CSMD2: variants seen among roughly 807,000 people sequenced by gnomAD.
CSMD2 encodes CUB and sushi domain-containing protein 2.
A neutral mutation model predicts 398.5 loss-of-function variants in CSMD2; 130 were observed. The ratio of observed to expected loss-of-function variants is 0.33; its 90% CI spans 0.28 to 0.38. The LOEUF (loss-of-function observed/expected upper bound fraction) is 0.38, where lower values mean the gene tolerates loss of function less well. Ranked by LOEUF, CSMD2 falls within the 10% of genes least tolerant of loss-of-function variation. The pLI is 1.00. For synonymous variants in CSMD2, 1,828 were observed against 1,908.5 expected (o/e 0.96, Z 1.10); for missense variants, 3,829 against 4,764.9 (o/e 0.80, Z 5.78).
chr1:33,726,964 T>A (rs889822660), intron 15 of CSMD2, among the ~76,000 whole-genome samples: 4 of 152,170 alleles, frequency 2.6e-5, no homozygotes, highest in African/African-American at 9.7e-5. Flanking sequence ...AACTAATATT[T>A]GGGCCACATG....
At chr1:33,828,162 T>C (rs2125023179) in intron 6 of CSMD2, among the ~76,000 whole-genome samples, 1 of 152,338 alleles carries the variant, frequency 6.6e-6, no homozygotes, top group African/African-American at 2.4e-5. Flanking sequence ...TTTTTATAAA[T>C]GTGCATTACT....
rs762292236 is a variant in CSMD2, at chr1:33,846,872, G to T, written c.1033+12C>A. 4 of 1,574,984 alleles carry T rather than the reference G, an allele frequency of 2.5e-6. No individual in the cohort carries two copies. Among genetic ancestry groups the T allele is most frequent in the African/African-American group, 1.4e-5 (1 of 73,302 alleles). On this transcript the variant is annotated intron_variant, in intron 6 of 70. Coordinates refer to ENST00000373381, the MANE Select transcript of CSMD2 (RefSeq NM_001281956.2). ...CCACTGAGGAAGCCAGACAGTCCTG[G>T]GACCTGCCTACCTTGGTATTGGGCA... is the stretch of plus-strand genomic sequence containing the variant.
At chr1:33,694,925 C>A (rs1422001198) in intron 24 of CSMD2, among the ~76,000 whole-genome samples, 1 of 152,130 alleles carries the variant, frequency 6.6e-6, no homozygotes, top group African/African-American at 2.4e-5. Context: ...AGGATACTGC[C>A]CTCCCCTGGA....
chr1:33,828,487 AAG>A (rs1659074854), intron 6 of CSMD2, among the ~76,000 whole-genome samples: 1 of 152,178 alleles, frequency 6.6e-6, no homozygotes, highest in African/African-American at 2.4e-5. Flanking sequence ...GAGGTGAAGA[AAG>A]AGTCTTCATC....
chr1:33,940,826 T>C (rs2125340183), intron 3 of CSMD2, among the ~76,000 whole-genome samples: 1 of 152,358 alleles, frequency 6.6e-6, no homozygotes, highest in Non-Finnish European at 1.5e-5. Context: ...GTCTGATTTT[T>C]TTCCCAGTCT....
intron 48 of CSMD2, among the ~76,000 whole-genome samples, chr1:33,577,937 T>C (rs1319912796): frequency 1.3e-5 from 2 of 152,154 alleles, no homozygotes; most frequent in African/African-American, 4.8e-5. Flanking sequence ...TTGGGGCAAA[T>C]CACTTCAGCT....
intron 60 of CSMD2, among the ~76,000 whole-genome samples, chr1:33,538,476 G>A (rs748006176): frequency 1.1e-4 from 17 of 151,156 alleles, no homozygotes; most frequent in African/African-American, 3.4e-4. Context: ...GTGCGTGTGC[G>A]TGTGTGTGTG....
chr1:34,149,361 G>A (rs191341784), intron 1 of CSMD2, among the ~76,000 whole-genome samples: 12 of 152,174 alleles, frequency 7.9e-5, no homozygotes, highest in East Asian at 7.7e-4. Flanking sequence ...CTCATCTCCC[G>A]GCTGGCTGGC....
chr1:33,881,143 G>A (rs532938777), intron 5 of CSMD2, among the ~76,000 whole-genome samples: 1 of 152,232 alleles, frequency 6.6e-6, no homozygotes, highest in South Asian at 2.1e-4. Context: ...ATACAAGCTG[G>A]GAACTCATTC....
intron 5 of CSMD2, among the ~76,000 whole-genome samples, chr1:33,877,304 C>T (rs976251552): frequency 6.6e-6 from 1 of 152,164 alleles, no homozygotes; most frequent in Non-Finnish European, 1.5e-5. Flanking sequence ...GTCAGGATTC[C>T]TGGGCCCAAT....
rs780446219 is a variant in CSMD2, at chr1:33,819,825, G to A, written c.1212C>T (p.Ser404=). Residue 404 remains serine (S), a synonymous_variant, in exon 9 of 71, where the codon AGC becomes AGT. Transcript: ENST00000373381. ...RLGSDFRLGS[S]VQFTCNEGYD... ...AGCCCTCGTTGCAGGTGAACTGGAC[G>A]CTGGATCCTAACCTGGGAGACAAAG... 2.5e-6 allele frequency: 4 copies of A among 1,614,076 alleles called. No individual in the cohort carries two copies. The highest frequency in any genetic ancestry group is 3.3e-5 in the Admixed American group (2 of 60,004).
rs146802273 is a variant in CSMD2, at chr1:34,133,526, G to C, written c.187+31385C>G. Among the ~76,000 whole-genome samples, 5 of 152,110 alleles carry C rather than the reference G, an allele frequency of 3.3e-5. No homozygotes were observed. In the East Asian group the frequency reaches 9.7e-4, roughly 29 times the overall value. ...GGTGCCAGTAATTCCTGCTACTCTG[G>C]AGTCTGAGGCAGGAGAATCATTTGA... On this transcript the variant is annotated intron_variant, in intron 1 of 70. Coordinates refer to ENST00000373381, the MANE Select transcript of CSMD2 (RefSeq NM_001281956.2).
At chr1:33,897,121 AACTGAGGC>A (rs796820878) in intron 5 of CSMD2, among the ~76,000 whole-genome samples, 3 of 152,248 alleles carry the variant, frequency 2.0e-5, no homozygotes, top group African/African-American at 7.2e-5. Context: ...CTATGGGGTA[AACTGAGGC>A]ACTGAGGCAC....
At chr1:34,131,952 A>G (rs983926437) in intron 1 of CSMD2, among the ~76,000 whole-genome samples, 2 of 152,064 alleles carry the variant, frequency 1.3e-5, no homozygotes, top group African/African-American at 2.4e-5. Flanking sequence ...GGGGCATCCA[A>G]ATTCAGCTTC....
chr1:33,674,173 T>TAA (rs571236614), intron 25 of CSMD2, among the ~76,000 whole-genome samples: 3,572 of 151,924 alleles, frequency 0.024, 132 homozygotes, highest in African/African-American at 0.078. Flanking sequence ...GCAAATTGGA[T>TAA]AGAGTCAAGA....
chr1:33,524,966 G>T lies in CSMD2; in HGVS notation c.10312C>A (p.Leu3438Ile), dbSNP rs374791495. ...EYQGKKQPAM[L>I]RVTGFQVANS... ...GCAACTTGGAAGCCAGTCACTCTGA[G>T]CATGGCTGGCTGCTTCTTCCCCTGG... is the stretch of plus-strand genomic sequence containing the variant. The change falls in exon 66 of 71, where the codon CTC (leucine) becomes ATC (isoleucine). Residue 3438 changes from leucine (L) to isoleucine (I), a missense_variant. By Grantham distance (5) the Leu-to-Ile change is conservative. Around this residue, in one of 5 missense-constraint regions of CSMD2, gnomAD observed 917 missense variants for 1,199.5 expected, o/e 0.76. Coordinates refer to ENST00000373381, the MANE Select transcript of CSMD2 (RefSeq NM_001281956.2). 6.2e-7 allele frequency: 1 copy of T among 1,614,124 alleles called. No homozygotes were observed. Among genetic ancestry groups the T allele is most frequent in the African/African-American group, 1.3e-5 (1 of 74,956 alleles).
At chr1:34,016,261 G>A (rs562823534) in intron 3 of CSMD2, among the ~76,000 whole-genome samples, 1 of 151,968 alleles carries the variant, frequency 6.6e-6, no homozygotes, top group Non-Finnish European at 1.5e-5. Context: ...TAGGTTTTAA[G>A]CCCCTCATGC....
chr1:33,560,064 A>G (rs141002049), intron 53 of CSMD2, among the ~76,000 whole-genome samples: 1,826 of 152,280 alleles, frequency 0.012, 31 homozygotes, highest in Non-Finnish European at 0.015. Flanking sequence ...ATGAGCTGGC[A>G]TGTTTGGCTC....
chr1:33,615,897 C>G lies in CSMD2; in HGVS notation c.6016+1009G>C, dbSNP rs117305912. On this transcript the variant is annotated intron_variant, in intron 39 of 70. Transcript: ENST00000373381. Reference sequence around the variant, plus strand: ...AAGGTCAGCCTTGAGGGGCACCTCACAATCGACTGGGCACCAGAGAACCTT... The same window carrying G: ...AAGGTCAGCCTTGAGGGGCACCTCAGAATCGACTGGGCACCAGAGAACCTT... Among the ~76,000 whole-genome samples the G allele has an allele frequency of 3.4e-3, 523 of 152,342 alleles. 9 individuals are homozygous for G. In the East Asian group the frequency reaches 0.069, roughly 20 times the overall value.
Sources: gnomAD v4.1 joint callset for allele counts (sites outside exome capture counted in the v4.1 genomes callset) on GRCh38, gnomAD v4.1.1 for gene constraint, gnomAD v4.1.1 regional missense constraint, MANE v1.5 for transcripts, NCBI Gene and HGNC (gene_info 2026-07-23, HGNC 2026-07-21) for gene names.